Variants in GALNT10 observed in about 807,000 individuals in gnomAD.
GALNT10 encodes GalNAc transferase 10.
Under a neutral mutation model 75.0 loss-of-function variants are expected in GALNT10, and 41 were observed. That is an observed-to-expected ratio of 0.55 (90% CI 0.43 to 0.71). The LOEUF is 0.71. GALNT10 is among the 30% of genes least tolerant of loss of function. The pLI, the probability that GALNT10 is intolerant of heterozygous loss-of-function variation, is 0.00. For missense variants in GALNT10, 727 were observed against 818.5 expected (o/e 0.89, Z 1.36); for synonymous variants, 302 against 313.0 (o/e 0.96, Z 0.37).
Position 154,190,878 on chromosome 5 carries a change from G to A in GALNT10, c.12G>A (p.Lys4=). 6 of 1,426,328 alleles carry A rather than the reference G, an allele frequency of 4.2e-6. No homozygotes were observed. Among genetic ancestry groups the A allele is most frequent in the Non-Finnish European group, 5.5e-6 (6 of 1,083,614 alleles). The allele number at this position is 1,426,328 out of a possible 1,614,324, so 88.4% of individuals were successfully genotyped here. A position where few individuals can be genotyped will look rare whatever the true frequency, so the allele number is the denominator to read the frequency against. Residue 4 remains lysine, a synonymous_variant, in exon 1 of 12, where the codon AAG becomes AAA. Transcript: ENST00000297107. ...GCTGACCGGCCCCGATGAGGCGGAA[G>A]GAGAAGCGGCTCCTGCAGGCGGTGG... The part of the protein sequence containing the change: MRR[K]EKRLLQAVAL...
intron 4 of GALNT10, among the ~76,000 whole-genome samples, chr5:154,356,546 G>T (rs868181661): frequency 4.6e-5 from 7 of 152,176 alleles, no homozygotes; most frequent in African/African-American, 1.7e-4. Flanking sequence ...GCTTACATTT[G>T]TGCTTTTCAA....
intron 1 of GALNT10, among the ~76,000 whole-genome samples, chr5:154,204,163 C>T (rs1281452580): frequency 4.6e-5 from 7 of 152,206 alleles, no homozygotes; most frequent in Non-Finnish European, 1.0e-4. Context: ...CCTGACTCAG[C>T]AGTGCTTCCG....
At chr5:154,355,441 C>G (rs918238950) in intron 4 of GALNT10, among the ~76,000 whole-genome samples, 2 of 152,210 alleles carry the variant, frequency 1.3e-5, no homozygotes, top group African/African-American at 4.8e-5. Context: ...GTTGGCCTCT[C>G]GTTATTTGCT....
At chr5:154,324,954 G>A (rs73807605) in intron 3 of GALNT10, among the ~76,000 whole-genome samples, 2,027 of 151,984 alleles carry the variant, frequency 0.013, 41 homozygotes, top group African/African-American at 0.047. Flanking sequence ...AAAATAAAAT[G>A]GAGTCCTAGA....
intron 1 of GALNT10, among the ~76,000 whole-genome samples, chr5:154,222,056 T>C (rs892726699): frequency 1.3e-5 from 2 of 152,196 alleles, no homozygotes; most frequent in Non-Finnish European, 2.9e-5. Context: ...GAAGCCATCA[T>C]CACAGTCAAG....
chr5:154,277,404 C>G (rs1451192502), intron 1 of GALNT10, among the ~76,000 whole-genome samples: 1 of 152,034 alleles, frequency 6.6e-6, no homozygotes. Flanking sequence ...ACTTCTACCT[C>G]ATTCTTTTGG....
At position 154,376,490 on chromosome 5, in the gene GALNT10, A is replaced by G. The variant is rs1189675656; in HGVS notation, c.754+28A>G. 1 of 1,517,692 alleles carries G rather than the reference A, an allele frequency of 6.6e-7. No homozygotes were observed. Among genetic ancestry groups the G allele is most frequent in the South Asian group, 1.3e-5 (1 of 78,684 alleles). 94.0% of individuals were successfully genotyped at this position (1,517,692 alleles called of 1,614,324 possible). On this transcript the variant is annotated intron_variant, in intron 5 of 11. Coordinates refer to ENST00000297107, the MANE Select transcript of GALNT10 (RefSeq NM_198321.4). This position sits in a 1 kb window ranked among gnomAD's most constrained non-coding sequence, Gnocchi z 4.1. ...AAGGGAGCCCCTCCCACTTGGAGGGAGGCAAACTGCAATGAGCCAGTGCCA... is the reference window on the plus strand; with the variant it reads ...AAGGGAGCCCCTCCCACTTGGAGGGGGGCAAACTGCAATGAGCCAGTGCCA...
At chr5:154,201,051 T>C (rs1236783102) in intron 1 of GALNT10, among the ~76,000 whole-genome samples, 2 of 152,146 alleles carry the variant, frequency 1.3e-5, no homozygotes, top group Non-Finnish European at 2.9e-5. Flanking sequence ...TTTGTAAGAA[T>C]TTGCTGGATG....
chr5:154,195,821 A>G (rs1774929296), intron 1 of GALNT10, among the ~76,000 whole-genome samples: 1 of 152,196 alleles, frequency 6.6e-6, no homozygotes, highest in Non-Finnish European at 1.5e-5. Context: ...TTTGGAGGCC[A>G]CTGCTTAATG....
intron 3 of GALNT10, among the ~76,000 whole-genome samples, chr5:154,304,939 G>A (rs552889913): frequency 6.6e-6 from 1 of 152,192 alleles, no homozygotes; most frequent in South Asian, 2.1e-4. Flanking sequence ...CAACAGAGGA[G>A]ATAAAATGAA....
intron 1 of GALNT10, among the ~76,000 whole-genome samples, chr5:154,244,000 A>C (rs1215472788): frequency 6.6e-6 from 1 of 152,244 alleles, no homozygotes; most frequent in African/African-American, 2.4e-5. Context: ...ACAGGGAGGA[A>C]GCTTGCCCTG....
intron 1 of GALNT10, among the ~76,000 whole-genome samples, chr5:154,265,834 T>C (rs955480781): frequency 2.0e-5 from 3 of 152,068 alleles, no homozygotes; most frequent in Non-Finnish European, 2.9e-5. Flanking sequence ...TGGCCATGCA[T>C]TTGAAAATCG....
At chr5:154,244,941 C>A (rs34686728) in intron 1 of GALNT10, among the ~76,000 whole-genome samples, 3 of 152,070 alleles carry the variant, frequency 2.0e-5, no homozygotes, top group African/African-American at 7.2e-5. Flanking sequence ...GAGGGGAGAC[C>A]TAGATGTAAG....
Position 154,323,809 on chromosome 5 carries a change from A to G in GALNT10, c.402-5763A>G, listed in dbSNP as rs567127849. On this transcript the variant is annotated intron_variant, in intron 3 of 11. Transcript: ENST00000297107. ...ACTGAAACCAGGTATGGCAGGCAGA[A>G]TGCTGCTACCACCCCCTACGATGTT... Among the ~76,000 whole-genome samples, 8 of 152,334 alleles carry G rather than the reference A, an allele frequency of 5.3e-5. No homozygotes were observed. The South Asian group carries it at 1.7e-3, about 32-fold the overall frequency.
chr5:154,404,005 G>A, intron 7 of GALNT10, 99 bp from the exon 8 acceptor site: 3 of 890,666 alleles, frequency 3.4e-6, no homozygotes, highest in Non-Finnish European at 5.8e-6. Context: ...AGACAATCCA[G>A]GCTGATGCTT....
chr5:154,312,582 A>G (rs538230857), intron 3 of GALNT10, among the ~76,000 whole-genome samples: 1 of 152,328 alleles, frequency 6.6e-6, no homozygotes, highest in East Asian at 1.9e-4. Flanking sequence ...AGATATTTCT[A>G]ATAGCTGTGT....
intron 1 of GALNT10, among the ~76,000 whole-genome samples, chr5:154,228,141 G>T (rs998865398): frequency 6.6e-6 from 1 of 152,140 alleles, no homozygotes; most frequent in Non-Finnish European, 1.5e-5. Context: ...ACAGATGCTG[G>T]CACCATGCTT....
intron 4 of GALNT10, among the ~76,000 whole-genome samples, chr5:154,367,234 G>GA (rs371953919): frequency 5.9e-5 from 9 of 152,350 alleles, no homozygotes; most frequent in African/African-American, 2.2e-4. Context: ...TCAAAGGTTT[G>GA]AAAGCCACTG....
At chr5:154,381,307 T>A (rs1310736328) in intron 6 of GALNT10, among the ~76,000 whole-genome samples, 1 of 152,124 alleles carries the variant, frequency 6.6e-6, no homozygotes, top group African/African-American at 2.4e-5. Context: ...GATGAGGGAC[T>A]AAGGCTCCAG....
Sources: allele counts gnomAD v4.1 joint callset (sites outside exome capture counted in the v4.1 genomes callset), GRCh38; gene constraint gnomAD v4.1.1; non-coding constraint Gnocchi (gnomAD v3.1); transcripts MANE v1.5; gene names NCBI Gene and HGNC (gene_info 2026-07-23, HGNC 2026-07-21).